PLCB1: variants seen among roughly 807,000 people sequenced by gnomAD.
The protein encoded by PLCB1 is 1-phosphatidylinositol 4,5-bisphosphate phosphodiesterase beta-1.
A neutral mutation model predicts 161.8 loss-of-function variants in PLCB1; 46 were observed. The ratio of observed to expected loss-of-function variants is 0.28; its 90% CI spans 0.22 to 0.36. The LOEUF (loss-of-function observed/expected upper bound fraction) is 0.36, where lower values mean the gene tolerates loss of function less well. Ranked by LOEUF, PLCB1 falls within the 10% of genes least tolerant of loss-of-function variation. The pLI is 1.00. For missense variants in PLCB1, 1,016 were observed against 1,472.5 expected, an observed-to-expected ratio of 0.69 and a Z score of 5.07; for synonymous variants, 517 against 503.7, an observed-to-expected ratio of 1.03 and a Z score of -0.35.
In PLCB1 at chr20:8,152,586, A is replaced by G. The variant is rs191909076; in HGVS notation, c.177+2215A>G. Among the ~76,000 whole-genome samples, 299 of 152,262 alleles carry G rather than the reference A, an allele frequency of 2.0e-3. 5 individuals are homozygous for G. The highest frequency in any genetic ancestry group is 6.9e-3 in the African/African-American group (285 of 41,544). On this transcript the variant is annotated intron_variant, in intron 2 of 31. Transcript: ENST00000338037. ...TTTAAAAAATATTTTTTATCTGGCA[A>G]TTAGTTTTAGGAATCTGCCACATGT...
intron 3 of PLCB1, among the ~76,000 whole-genome samples, chr20:8,542,815 T>C (rs1157694421): frequency 6.6e-6 from 1 of 152,234 alleles, no homozygotes; most frequent in East Asian, 1.9e-4. Flanking sequence ...GGGACGTTAA[T>C]TGAATTGCCT....
chr20:8,758,165 A>G (rs1981833299), intron 24 of PLCB1, among the ~76,000 whole-genome samples: 1 of 150,244 alleles, frequency 6.7e-6, no homozygotes, highest in Admixed American at 6.7e-5. Context: ...TCTTTGTCAT[A>G]CTAGATCAGG....
intron 3 of PLCB1, among the ~76,000 whole-genome samples, chr20:8,465,778 C>T (rs983886808): frequency 2.6e-5 from 4 of 151,398 alleles, no homozygotes; most frequent in African/African-American, 9.7e-5. Context: ...AATGAGATAC[C>T]ATCTCACACC....
chr20:8,802,648 C>A (rs1281010956), intron 31 of PLCB1, among the ~76,000 whole-genome samples: 5 of 152,168 alleles, frequency 3.3e-5, no homozygotes, highest in Non-Finnish European at 7.3e-5. Flanking sequence ...CTTACCACAG[C>A]CCTCCTTTTG....
intron 3 of PLCB1, among the ~76,000 whole-genome samples, chr20:8,484,047 A>G (rs1982617633): frequency 6.6e-6 from 1 of 152,128 alleles, no homozygotes; most frequent in South Asian, 2.1e-4. Context: ...CTTTTTGAGA[A>G]GGAATTTTGC....
At chr20:8,348,363 A>G (rs897712369) in intron 2 of PLCB1, among the ~76,000 whole-genome samples, 1 of 152,186 alleles carries the variant, frequency 6.6e-6, no homozygotes, top group Non-Finnish European at 1.5e-5. Flanking sequence ...ATACTTCCCA[A>G]AGTCCCTTGC....
Position 8,568,374 on chromosome 20 carries a change from G to T in PLCB1, c.247-59920G>T, listed in dbSNP as rs552210733. Among the ~76,000 whole-genome samples the T allele has an allele frequency of 4.6e-5, 7 of 152,218 alleles. No homozygotes were observed. The East Asian group carries it at 1.4e-3, about 29-fold the overall frequency. On this transcript the variant is annotated intron_variant, in intron 3 of 31. Transcript: ENST00000338037. ...AAAGGGCCTAGTTATTGCAACATAT[G>T]CTGCCTTCATTTCAAAAGATTTCCT...
intron 3 of PLCB1, among the ~76,000 whole-genome samples, chr20:8,490,948 TAA>T (rs1982923539): frequency 6.7e-6 from 1 of 149,296 alleles, no homozygotes; most frequent in Non-Finnish European, 1.5e-5. Context: ...GTGTTTTTCT[TAA>T]TACAAATCCT....
intron 2 of PLCB1, among the ~76,000 whole-genome samples, chr20:8,182,524 C>T (rs1209759678): frequency 1.3e-5 from 2 of 151,936 alleles, no homozygotes; most frequent in Admixed American, 1.3e-4. Flanking sequence ...ACGAGTCATC[C>T]TATACCATCA....
chr20:8,422,618 G>A (rs982646200), intron 3 of PLCB1, among the ~76,000 whole-genome samples: 1 of 152,184 alleles, frequency 6.6e-6, no homozygotes, highest in Non-Finnish European at 1.5e-5. Context: ...TTTGAGTGCA[G>A]CTGATATTAG....
chr20:8,667,164 A>G (rs768444271), intron 9 of PLCB1, among the ~76,000 whole-genome samples: 5 of 152,228 alleles, frequency 3.3e-5, no homozygotes, highest in Admixed American at 6.5e-5. Flanking sequence ...GAGGAAAACT[A>G]TATGATGTAG....
intron 3 of PLCB1, among the ~76,000 whole-genome samples, chr20:8,575,701 G>C (rs931236754): frequency 6.6e-6 from 1 of 152,222 alleles, no homozygotes. Context: ...TGTTTGCACT[G>C]TAAGGCTGGA....
chr20:8,342,974 AGT>A (rs1303070609), intron 2 of PLCB1, among the ~76,000 whole-genome samples: 1 of 152,214 alleles, frequency 6.6e-6, no homozygotes, highest in Non-Finnish European at 1.5e-5. Flanking sequence ...TCCAAGGAAT[AGT>A]TTTATACAAT....
intron 7 of PLCB1, chr20:8,653,573 G>A (rs1023923021): frequency 6.6e-6 from 1 of 151,886 alleles, no homozygotes; most frequent in Non-Finnish European, 1.5e-5. Flanking sequence ...CCATCAACTT[G>A]TCAAGAAAAA....
rs191898497 is a variant in PLCB1 at position 8,734,012 on chromosome 20, C to T, written c.2043+620C>T. On this transcript the variant is annotated intron_variant, in intron 19 of 31. Coordinates refer to ENST00000338037, the MANE Select transcript of PLCB1 (RefSeq NM_015192.4). ...GCGTGGTGGCGGGCGCCTGTAGTGC[C>T]AGCTACTCAAGAGGCTGAGACAGGA... Among the ~76,000 whole-genome samples the T allele has an allele frequency of 4.9e-4, 73 of 148,996 alleles. 1 individual carries two copies. Among genetic ancestry groups the T allele is most frequent in the African/African-American group, 1.7e-3 (69 of 40,962 alleles).
intron 3 of PLCB1, among the ~76,000 whole-genome samples, chr20:8,516,149 G>C (rs938824447): frequency 6.6e-6 from 1 of 152,072 alleles, no homozygotes. Context: ...CCCACAACAC[G>C]TGGGAATTAT....
At chr20:8,731,674 A>G (rs1408378476) in intron 18 of PLCB1, among the ~76,000 whole-genome samples, 5 of 152,018 alleles carry the variant, frequency 3.3e-5, no homozygotes, top group Non-Finnish European at 1.5e-5. Flanking sequence ...AGTTATCTTA[A>G]TAGATCTCAT....
intron 2 of PLCB1, among the ~76,000 whole-genome samples, chr20:8,294,032 G>T (rs950943972): frequency 6.6e-6 from 1 of 152,120 alleles, no homozygotes; most frequent in Non-Finnish European, 1.5e-5. Flanking sequence ...AACATCCACT[G>T]TGTGCTGGAA....
intron 3 of PLCB1, among the ~76,000 whole-genome samples, chr20:8,398,412 A>G (rs1670385451): frequency 6.6e-6 from 1 of 152,196 alleles, no homozygotes; most frequent in Non-Finnish European, 1.5e-5. Context: ...ACAAATTACC[A>G]TAGACTGGTG....
Sources: allele counts gnomAD v4.1 joint callset (sites outside exome capture counted in the v4.1 genomes callset), GRCh38; gene constraint gnomAD v4.1.1; transcripts MANE v1.5; gene names NCBI Gene and HGNC (gene_info 2026-07-23, HGNC 2026-07-21).